Variants in RNF115 observed in about 807,000 individuals in gnomAD.
RNF115 encodes the protein E3 ubiquitin-protein ligase RNF115.
A neutral mutation model predicts 39.2 loss-of-function variants in RNF115; 31 were observed. That is an observed-to-expected ratio of 0.79 (90% CI 0.59 to 1.07). The LOEUF (loss-of-function observed/expected upper bound fraction) is 1.07, where lower values mean the gene tolerates loss of function less well. Among genes scored for constraint, RNF115 ranks in the 50% least tolerant of loss-of-function variants. The pLI is 0.00. For synonymous variants in RNF115, 124 were observed against 131.0 expected, an observed-to-expected ratio of 0.95 and a Z score of 0.37; for missense variants, 384 against 381.7, an observed-to-expected ratio of 1.01 and a Z score of -0.05.
At chr1:145,748,230 A>C in intron 7 of RNF115, 120 bp from the exon 8 acceptor site, 1 of 672,066 alleles carries the variant, frequency 1.5e-6, no homozygotes, top group Non-Finnish European at 2.7e-6. Flanking sequence ...ACAAAAGAAA[A>C]TGTACACCCA....
At chr1:145,787,381 G>A (rs1648431427) in intron 2 of RNF115, among the ~76,000 whole-genome samples, 1 of 151,996 alleles carries the variant, frequency 6.6e-6, no homozygotes, top group Admixed American at 6.6e-5. Context: ...AGACCAGCCT[G>A]GCAAACACGG....
intron 4 of RNF115, among the ~76,000 whole-genome samples, chr1:145,770,245 G>C (rs1647572961): frequency 6.6e-6 from 1 of 152,122 alleles, no homozygotes; most frequent in Admixed American, 6.5e-5. Context: ...TAGTATGATA[G>C]TGCATATATT....
At chr1:145,819,523 C>G (rs1473856759) in intron 1 of RNF115, among the ~76,000 whole-genome samples, 1 of 152,038 alleles carries the variant, frequency 6.6e-6, no homozygotes, top group Admixed American at 6.6e-5. Context: ...CAGCCAAACC[C>G]CACCAGACAC....
At chr1:145,776,155 C>G (rs888001954) in intron 3 of RNF115, among the ~76,000 whole-genome samples, 5 of 148,620 alleles carry the variant, frequency 3.4e-5, no homozygotes, top group Non-Finnish European at 5.9e-5. Context: ...TACCCCTACT[C>G]TGACCAACAT....
chr1:145,771,290 C>T (rs1647626505), intron 4 of RNF115, among the ~76,000 whole-genome samples: 1 of 152,220 alleles, frequency 6.6e-6, no homozygotes, highest in Non-Finnish European at 1.5e-5. Flanking sequence ...CTCATGCATG[C>T]TCTCTTGCCC....
chr1:145,810,814 C>G (rs1295992559), intron 1 of RNF115, among the ~76,000 whole-genome samples: 2 of 144,136 alleles, frequency 1.4e-5, no homozygotes, highest in Non-Finnish European at 3.0e-5. Context: ...AAGCCTAGAA[C>G]CTAATTACAT....
At chr1:145,807,176 C>T (rs191297750) in intron 1 of RNF115, among the ~76,000 whole-genome samples, 48 of 152,258 alleles carry the variant, frequency 3.2e-4, no homozygotes, top group African/African-American at 1.1e-3. Context: ...AAACTAAATT[C>T]GAAGTGCTGT....
At chr1:145,792,338 T>G (rs1214924299) in intron 1 of RNF115, among the ~76,000 whole-genome samples, 2 of 151,946 alleles carry the variant, frequency 1.3e-5, no homozygotes, top group South Asian at 2.1e-4. Flanking sequence ...CTGAAACACT[T>G]TTTTTCTAAA....
At chr1:145,776,535 A>G (rs1553716585) in intron 3 of RNF115, among the ~76,000 whole-genome samples, 8 of 152,102 alleles carry the variant, frequency 5.3e-5, no homozygotes, top group Non-Finnish European at 1.0e-4. Context: ...TATGCAGAGT[A>G]AAAACATCAA....
At chr1:145,749,213 C>G (rs1164939159) in intron 7 of RNF115, among the ~76,000 whole-genome samples, 1 of 136,646 alleles carries the variant, frequency 7.3e-6, no homozygotes, top group Non-Finnish European at 1.7e-5. Context: ...TCACTCCTTA[C>G]TCTCCATTCC....
chr1:145,787,282 T>C (rs1648424660), intron 2 of RNF115, among the ~76,000 whole-genome samples: 1 of 152,200 alleles, frequency 6.6e-6, no homozygotes, highest in Non-Finnish European at 1.5e-5. Context: ...TTTATTAAAA[T>C]TTTAAGTTAG....
At chr1:145,759,644 C>A (rs1553713606) in intron 4 of RNF115, among the ~76,000 whole-genome samples, 1 of 152,208 alleles carries the variant, frequency 6.6e-6, no homozygotes, top group African/African-American at 2.4e-5. Context: ...TTGCCTCGCA[C>A]ACCTCGCAGC....
rs1330234757 is a variant in RNF115, at chr1:145,773,567, A to G, written c.220-1648T>C. 4.6e-5 allele frequency: 7 copies of G among 152,092 alleles called. 1 individual carries two copies. The highest frequency in any genetic ancestry group is 9.7e-5 in the African/African-American group (4 of 41,430). 9.4% of individuals were successfully genotyped at this position (152,092 alleles called of 1,614,324 possible). ...CAAAACTTACCCAGGGCCTTTATAA[A>G]TCTACCTTAATATTCACTTCCTGTT... On this transcript the variant is annotated intron_variant, in intron 3 of 8. Coordinates refer to ENST00000582693, the MANE Select transcript of RNF115 (RefSeq NM_014455.4).
At position 145,823,852 on chromosome 1, in the gene RNF115, C is replaced by A. The variant is rs782355818; in HGVS notation, c.22G>T (p.Gly8Trp). 1.3e-6 allele frequency: 2 copies of A among 1,562,432 alleles called. No individual in the cohort carries two copies. Among genetic ancestry groups the A allele is most frequent in the South Asian group, 1.2e-5 (1 of 85,626 alleles). Residue 8 changes from glycine (G) to tryptophan (W), a missense_variant, in exon 1 of 9, where the codon GGG (glycine) becomes TGG (tryptophan). Coordinates refer to ENST00000582693, the MANE Select transcript of RNF115 (RefSeq NM_014455.4). MAEASAA[G>W]ADSGAAVAAH... ...GCTACAGCGGCGCCCGAGTCCGCCC[C>A]GGCCGCCGAAGCCTCCGCCATTTTT...
chr1:145,758,222 T>C (rs1658373770), intron 4 of RNF115, among the ~76,000 whole-genome samples: 1 of 152,160 alleles, frequency 6.6e-6, no homozygotes, highest in Non-Finnish European at 1.5e-5. Flanking sequence ...CTGCTTCCTC[T>C]ATCATTCTCT....
intron 1 of RNF115, among the ~76,000 whole-genome samples, chr1:145,799,609 AG>A (rs1649138728): frequency 6.7e-5 from 2 of 29,746 alleles, no homozygotes; most frequent in Non-Finnish European, 1.3e-4. Flanking sequence ...TGTTGGGGGG[AG>A]GGGGTGGGTG....
intron 1 of RNF115, among the ~76,000 whole-genome samples, chr1:145,791,143 A>G (rs1335600435): frequency 6.7e-6 from 1 of 149,764 alleles, no homozygotes; most frequent in Non-Finnish European, 1.5e-5. Context: ...CTCTGTCTCA[A>G]AAAAAAAAAG....
chr1:145,766,759 G>A (rs1168366407), intron 4 of RNF115, among the ~76,000 whole-genome samples: 2 of 83,318 alleles, frequency 2.4e-5, no homozygotes, highest in Non-Finnish European at 5.0e-5. Flanking sequence ...GGGCAGAGGC[G>A]CCCCTCACCT....
intron 4 of RNF115, among the ~76,000 whole-genome samples, chr1:145,754,905 A>G (rs987655955): frequency 3.9e-5 from 6 of 152,088 alleles, no homozygotes; most frequent in Non-Finnish European, 8.8e-5. Context: ...TAACAATAGA[A>G]TATGGCAGAA....
Sources: allele counts gnomAD v4.1 joint callset (sites outside exome capture counted in the v4.1 genomes callset), GRCh38; gene constraint gnomAD v4.1.1; transcripts MANE v1.5; gene names NCBI Gene and HGNC (gene_info 2026-07-23, HGNC 2026-07-21).